Variants in HKDC1 observed in about 807,000 individuals in gnomAD.
HKDC1 encodes the protein hexokinase HKDC1.
A neutral mutation model predicts 96.6 loss-of-function variants in HKDC1; 66 were observed. The ratio of observed to expected loss-of-function variants is 0.68; its 90% CI spans 0.56 to 0.84. The LOEUF is 0.84. HKDC1 is among the 40% of genes least tolerant of loss of function. The pLI, the probability that HKDC1 is intolerant of heterozygous loss-of-function variation, is 0.00. For missense variants in HKDC1, 1,211 were observed against 1,208.1 expected (o/e 1.00, Z -0.04); for synonymous variants, 466 against 473.1 (o/e 0.98, Z 0.20).
At chr10:69,263,272 T>C (rs1365234446) in intron 16 of HKDC1, among the ~76,000 whole-genome samples, 2 of 152,160 alleles carry the variant, frequency 1.3e-5, no homozygotes, top group Non-Finnish European at 2.9e-5. Flanking sequence ...CTAATTTTTG[T>C]ATTTTTTATA....
In HKDC1 at chr10:69,252,562, G is replaced by A. The variant is rs543019892; in HGVS notation, c.1836+1910G>A. Among the ~76,000 whole-genome samples the A allele has an allele frequency of 5.3e-5, 8 of 151,082 alleles. No individual in the cohort carries two copies. The East Asian group carries it at 1.2e-3, about 22-fold the overall frequency. On this transcript the variant is annotated intron_variant, in intron 12 of 17. Transcript: ENST00000354624. ...TGGGAGGCTGAGGCAGGAGAATGGC[G>A]TGAACCCAGGAGGCGGAGCTTGCAG... is the stretch of plus-strand genomic sequence containing the variant.
chr10:69,238,240 G>A (rs1843393330), intron 4 of HKDC1, among the ~76,000 whole-genome samples: 1 of 152,340 alleles, frequency 6.6e-6, no homozygotes, highest in African/African-American at 2.4e-5. Context: ...CACTCTGCCT[G>A]GTTGGGAATC....
intron 16 of HKDC1, among the ~76,000 whole-genome samples, chr10:69,264,377 CTT>C (rs577342194): frequency 2.1e-5 from 3 of 142,002 alleles, no homozygotes; most frequent in Non-Finnish European, 1.5e-5. Context: ...GCAAACTCAT[CTT>C]TTTTTTTTTT....
At chr10:69,226,021 G>A (rs1011406130) in intron 1 of HKDC1, 2 of 152,112 alleles carry the variant, frequency 1.3e-5, no homozygotes, top group Admixed American at 1.3e-4. Flanking sequence ...TAAAAACAGG[G>A]CTGGAAAGGA....
At chr10:69,251,106 T>G (rs1054167037) in intron 12 of HKDC1, among the ~76,000 whole-genome samples, 1 of 149,004 alleles carries the variant, frequency 6.7e-6, no homozygotes, top group Non-Finnish European at 1.5e-5. Context: ...TTTTTTTTTT[T>G]TTTTTGAGAC....
chr10:69,244,556 G>A (rs115876943), intron 7 of HKDC1, among the ~76,000 whole-genome samples: 6 of 152,130 alleles, frequency 3.9e-5, no homozygotes, highest in Non-Finnish European at 5.9e-5. Context: ...TGGCTCATGC[G>A]TGTAATCCCA....
intron 5 of HKDC1, among the ~76,000 whole-genome samples, chr10:69,239,642 CCAAATTG>C (rs1043892255): frequency 6.6e-6 from 1 of 152,346 alleles, no homozygotes; most frequent in Admixed American, 6.5e-5. Context: ...GTACACAAAC[CCAAATTG>C]CTTGTTGCCC....
At position 69,237,119 on chromosome 10, in the gene HKDC1, T is replaced by C. The variant is rs550657875; in HGVS notation, c.496-1923T>C. Among the ~76,000 whole-genome samples, 85 of 152,210 alleles carry C rather than the reference T, an allele frequency of 5.6e-4. 1 individual carries two copies. Among genetic ancestry groups the C allele is most frequent in the Non-Finnish European group, 1.0e-3 (71 of 68,002 alleles). On this transcript the variant is annotated intron_variant, in intron 4 of 17. Coordinates refer to ENST00000354624, the MANE Select transcript of HKDC1 (RefSeq NM_025130.4). ...GAGGAGGTGTGATTAGGGGGCTTCT[T>C]TGAGAAACTGAAAATGATTAAAGAA...
intron 4 of HKDC1, among the ~76,000 whole-genome samples, chr10:69,234,502 G>T (rs1205135020): frequency 2.0e-5 from 3 of 152,232 alleles, no homozygotes; most frequent in Non-Finnish European, 4.4e-5. Flanking sequence ...TAATCTGCCT[G>T]CCTCTGCCTC....
chr10:69,250,222 C>T (rs1166799423), intron 10 of HKDC1, 68 bp from the exon 11 acceptor site: 2 of 1,552,396 alleles, frequency 1.3e-6, no homozygotes, highest in African/African-American at 1.4e-5. Context: ...TCCGACGTCT[C>T]CTCTTCCTCC....
At chr10:69,228,635 G>A (rs567550932) in intron 2 of HKDC1, among the ~76,000 whole-genome samples, 1 of 152,164 alleles carries the variant, frequency 6.6e-6, no homozygotes, top group Non-Finnish European at 1.5e-5. Flanking sequence ...GGAGGCCGAG[G>A]GGGGCAGATC....
chr10:69,238,390 G>A lies in HKDC1; in HGVS notation c.496-652G>A, dbSNP rs1460473991. Among the ~76,000 whole-genome samples the A allele has an allele frequency of 9.7e-5, 2 of 20,716 alleles. 1 individual carries two copies. Among genetic ancestry groups the A allele is most frequent in the Admixed American group, 7.5e-4 (2 of 2,650 alleles). 13.6% of individuals were successfully genotyped at this position (20,716 alleles called of 152,430 possible). The stretch of plus-strand genomic sequence containing the variant: ...TTTCTTTTTTTTTTTTTTTTTTTGA[G>A]ACGGAGTCTCGCTCTGTCGCCCAGG... On this transcript the variant is annotated intron_variant, in intron 4 of 17. Coordinates refer to ENST00000354624, the MANE Select transcript of HKDC1 (RefSeq NM_025130.4).
At chr10:69,225,793 C>A (rs1465508866) in intron 1 of HKDC1, 3 of 152,302 alleles carry the variant, frequency 2.0e-5, no homozygotes, top group Non-Finnish European at 4.4e-5. Flanking sequence ...GTAGCCACAG[C>A]TCTGCAGCCC....
At chr10:69,235,733 T>C (rs1233553586) in intron 4 of HKDC1, among the ~76,000 whole-genome samples, 1 of 152,218 alleles carries the variant, frequency 6.6e-6, no homozygotes, top group Non-Finnish European at 1.5e-5. Flanking sequence ...GCTTTCTTGA[T>C]AGCTTGGCAG....
chr10:69,230,033 T>C (rs2132336175), intron 2 of HKDC1, among the ~76,000 whole-genome samples: 1 of 152,288 alleles, frequency 6.6e-6, no homozygotes, highest in South Asian at 2.1e-4. Context: ...GTTTCAGAAA[T>C]GTATGCAGCT....
chr10:69,255,717 G>C (rs775530451), intron 12 of HKDC1, among the ~76,000 whole-genome samples: 2 of 152,074 alleles, frequency 1.3e-5, no homozygotes, highest in Non-Finnish European at 2.9e-5. Flanking sequence ...AGGAGTTCAA[G>C]ACCAGCCTGG....
rs773708118 is a variant in HKDC1, at chr10:69,250,517, C to T, written c.1717-16C>T. ...ATGTCCGCCTGGTGTGAATGCCGCT[C>T]TCTCTCTCTCTGCAGCTCTTTGATC... is the stretch of plus-strand genomic sequence containing the variant. On this transcript the variant is annotated splice_polypyrimidine_tract_variant and intron_variant, in intron 11 of 17. Coordinates refer to ENST00000354624, the MANE Select transcript of HKDC1 (RefSeq NM_025130.4). The T allele has an allele frequency of 1.9e-6, 3 of 1,612,472 alleles. No individual in the cohort carries two copies. The highest frequency in any genetic ancestry group is 1.7e-6 in the Non-Finnish European group (2 of 1,178,770).
chr10:69,248,510 A>AG lies in HKDC1; in HGVS notation c.1357dup (p.Ala453GlyfsTer42). On this transcript the variant is annotated frameshift_variant, in exon 10 of 18. Coordinates refer to ENST00000354624, the MANE Select transcript of HKDC1 (RefSeq NM_025130.4). LOFTEE classifies it high-confidence loss of function. The stretch of plus-strand genomic sequence containing the variant: ...CTCCTGTCAGAGAGTGGCAGCACCA[A>AG]GGGGGCCGCCATGGTGACCGCGGTG... 2 of 1,612,934 alleles carry AG rather than the reference A, an allele frequency of 1.2e-6. No individual in the cohort carries two copies. The highest frequency in any genetic ancestry group is 1.7e-6 in the Non-Finnish European group (2 of 1,179,166).
intron 15 of HKDC1, among the ~76,000 whole-genome samples, chr10:69,260,507 C>T (rs1843787084): frequency 6.6e-6 from 1 of 152,192 alleles, no homozygotes; most frequent in Admixed American, 6.5e-5. Context: ...CTTGAAATCA[C>T]CATTTTTTGT....
Sources: allele counts gnomAD v4.1 joint callset (sites outside exome capture counted in the v4.1 genomes callset), GRCh38; gene constraint gnomAD v4.1.1; transcripts MANE v1.5; gene names NCBI Gene and HGNC (gene_info 2026-07-23, HGNC 2026-07-21).